Variants in ACTN2 observed in about 807,000 individuals in gnomAD.
ACTN2 encodes the protein alpha-actinin-2.
In ACTN2, 39 loss-of-function variants were observed where a neutral mutation model predicts 113.8. The observed-to-expected ratio is 0.34, with a 90% confidence interval of 0.27 to 0.45. The LOEUF is 0.45. Ranked by LOEUF, ACTN2 falls within the 20% of genes least tolerant of loss-of-function variation. The probability of loss-of-function intolerance (pLI) is 1.00; values close to 1 mark genes in which losing one functional copy is unlikely to be tolerated. For synonymous variants in ACTN2, 429 were observed against 444.1 expected (o/e 0.97, Z 0.43); for missense variants, 992 against 1,177.9 (o/e 0.84, Z 2.31).
chr1:236,748,513 A>G (rs1356502664), intron 13 of ACTN2, among the ~76,000 whole-genome samples: 1 of 152,170 alleles, frequency 6.6e-6, no homozygotes, highest in African/African-American at 2.4e-5. Flanking sequence ...AGCTACGGAG[A>G]TGCCTTCCCC....
In ACTN2 at chr1:236,686,521, C is replaced by G. The variant is rs1572086554; in HGVS notation, c.-153C>G. ...GCCGGAGCTGGTGCTTCGCCCGAGACCCAGCGCCCAGGCGTGTCGCCCCGA... is the reference window on the plus strand; with the variant it reads ...GCCGGAGCTGGTGCTTCGCCCGAGAGCCAGCGCCCAGGCGTGTCGCCCCGA... On this transcript the variant is annotated 5_prime_UTR_variant, in exon 1 of 21. Transcript: ENST00000366578. 1.2e-6 allele frequency: 1 copy of G among 851,072 alleles called. No homozygotes were observed. Among genetic ancestry groups the G allele is most frequent in the South Asian group, 3.9e-5 (1 of 25,672 alleles). 52.7% of individuals were successfully genotyped at this position (851,072 alleles called of 1,614,324 possible).
At chr1:236,705,220 A>G (rs990845187) in intron 1 of ACTN2, among the ~76,000 whole-genome samples, 9 of 151,394 alleles carry the variant, frequency 5.9e-5, no homozygotes, top group Non-Finnish European at 1.3e-4. Flanking sequence ...ATATATATAT[A>G]AAAAATATCA....
At chr1:236,713,374 T>G (rs1248314610) in intron 1 of ACTN2, among the ~76,000 whole-genome samples, 1 of 152,124 alleles carries the variant, frequency 6.6e-6, no homozygotes, top group Non-Finnish European at 1.5e-5. Context: ...ATTACAGGTG[T>G]GCATCACCAT....
intron 1 of ACTN2, among the ~76,000 whole-genome samples, chr1:236,699,012 C>A (rs12125312): frequency 0.018 from 2,777 of 152,238 alleles, 92 homozygotes; most frequent in Admixed American, 0.085. Flanking sequence ...AGAAATAGTT[C>A]TCTCCTATAA....
chr1:236,733,871 C>T lies in ACTN2; in HGVS notation c.698-1764C>T, dbSNP rs776347336. Among the ~76,000 whole-genome samples the T allele has an allele frequency of 7.2e-5, 11 of 152,312 alleles. 1 individual carries two copies. The highest frequency in any genetic ancestry group is 4.6e-4 in the Admixed American group (7 of 15,306). ...AAGTGGGGATTTTCAAGTGACTCAT[C>T]GGCCCACTCACCCATGAACTGTTAT... On this transcript the variant is annotated intron_variant, in intron 7 of 20. Transcript: ENST00000366578.
At chr1:236,735,870 CTG>C (rs1658859123) in intron 8 of ACTN2, 150 bp downstream of exon 8, 2 of 764,126 alleles carry the variant, frequency 2.6e-6, no homozygotes, top group Admixed American at 2.1e-5. Flanking sequence ...AAGTTCTAAA[CTG>C]TGAAAACTTT....
At chr1:236,717,415 T>C (rs1658252974) in intron 1 of ACTN2, among the ~76,000 whole-genome samples, 1 of 152,148 alleles carries the variant, frequency 6.6e-6, no homozygotes, top group Non-Finnish European at 1.5e-5. Flanking sequence ...CCAGCCTGGG[T>C]GACAGAGCTG....
At chr1:236,730,599 C>T (rs956662812) in intron 6 of ACTN2, among the ~76,000 whole-genome samples, 8 of 151,956 alleles carry the variant, frequency 5.3e-5, no homozygotes, top group Non-Finnish European at 7.4e-5. Context: ...TAGTTATATA[C>T]CTCTGGTTAA....
chr1:236,763,830 T>C lies in ACTN2; in HGVS notation c.*1211T>C, dbSNP rs865894215. The C allele has an allele frequency of 4.6e-5, 7 of 152,220 alleles. No homozygotes were observed. The highest frequency in any genetic ancestry group is 8.8e-5 in the Non-Finnish European group (6 of 68,038). 9.4% of individuals were successfully genotyped at this position (152,220 alleles called of 1,614,324 possible). ...TGCTACATGCACTCCTGCTAGCACA[T>C]CTTGATCTGTTGAATGTTCATTCTT... On this transcript the variant is annotated 3_prime_UTR_variant, in exon 21 of 21. Coordinates refer to ENST00000366578, the MANE Select transcript of ACTN2 (RefSeq NM_001103.4).
chr1:236,717,084 C>T (rs571980321), intron 1 of ACTN2, among the ~76,000 whole-genome samples: 264 of 152,032 alleles, frequency 1.7e-3, no homozygotes, highest in Non-Finnish European at 3.3e-3. Context: ...ATCTGCCCTG[C>T]CTCAGCCTCC....
At chr1:236,744,244 A>G (rs756347323) in intron 11 of ACTN2, among the ~76,000 whole-genome samples, 1 of 152,220 alleles carries the variant, frequency 6.6e-6, no homozygotes, top group Non-Finnish European at 1.5e-5. Flanking sequence ...CAAATGGAGC[A>G]CCGGGGTTTT....
intron 13 of ACTN2, 76 bp from the exon 14 acceptor site, chr1:236,749,048 T>C (rs1215900711): frequency 3.3e-6 from 5 of 1,497,066 alleles, no homozygotes; most frequent in Non-Finnish European, 4.6e-6. Flanking sequence ...AGTCTGTTCT[T>C]ATGGAACGCC....
Position 236,759,726 on chromosome 1 carries a change from G to A in ACTN2, c.2304G>A (p.Arg768=). 2 of 1,614,020 alleles carry A rather than the reference G, an allele frequency of 1.2e-6. No individual in the cohort carries two copies. The highest frequency in any genetic ancestry group is 1.7e-6 in the Non-Finnish European group (2 of 1,179,938). ...FRASFNHFDR[R]KNGLMDHEDF... Reference sequence around the variant, plus strand: ...CTGTCCTTTGTTTTTGCCAACAGAGGAAGAATGGCCTGATGGATCATGAGG... The same window carrying A: ...CTGTCCTTTGTTTTTGCCAACAGAGAAAGAATGGCCTGATGGATCATGAGG... Residue 768 remains arginine (R), a splice_region_variant and synonymous_variant, in exon 19 of 21, where the codon AGG becomes AGA. Coordinates refer to ENST00000366578, the MANE Select transcript of ACTN2 (RefSeq NM_001103.4).
At chr1:236,711,594 C>T (rs1248767659) in intron 1 of ACTN2, among the ~76,000 whole-genome samples, 8 of 152,204 alleles carry the variant, frequency 5.3e-5, no homozygotes, top group Non-Finnish European at 1.2e-4. Context: ...AAGTGATCCA[C>T]CCACCTTGGC....
At chr1:236,746,710 A>C (rs1659249612) in intron 12 of ACTN2, among the ~76,000 whole-genome samples, 1 of 151,940 alleles carries the variant, frequency 6.6e-6, no homozygotes. Flanking sequence ...CTGTCTCAAA[A>C]AAAAAAAAAA....
At chr1:236,736,920 T>G in intron 8 of ACTN2, 2 of 626,150 alleles carry the variant, frequency 3.2e-6, no homozygotes, top group Non-Finnish European at 5.8e-6. Flanking sequence ...CGTGTAAGTC[T>G]GTGTGAAAAC....
intron 1 of ACTN2, among the ~76,000 whole-genome samples, chr1:236,707,497 T>C (rs1657862174): frequency 6.6e-6 from 1 of 152,106 alleles, no homozygotes; most frequent in Non-Finnish European, 1.5e-5. Context: ...TTTAGAATGA[T>C]TTAATTCTCT....
chr1:236,717,547 T>C (rs1043513054), intron 1 of ACTN2, among the ~76,000 whole-genome samples: 5 of 152,220 alleles, frequency 3.3e-5, no homozygotes, highest in African/African-American at 1.2e-4. Context: ...ATCTATCTTT[T>C]CTACAAAGTA....
chr1:236,744,656 A>G lies in ACTN2; in HGVS notation c.1286A>G (p.Tyr429Cys), dbSNP rs1205799302. ...GKEQILLQKDYESASLTEVRA... is the reference protein window; with the variant it reads ...GKEQILLQKDCESASLTEVRA... ...GAGCAGATCTTGCTGCAGAAGGATT[A>G]CGAGTCGGCGTCGCTGACAGAGGTG... The change falls in exon 12 of 21, where the codon TAC becomes TGC. Residue 429 changes from tyrosine (Y) to cysteine (C), a missense_variant. Physicochemically the swap from Tyr to Cys is radical, Grantham distance 194 (BLOSUM62 -2). Around this residue, in one of 3 missense-constraint regions of ACTN2, gnomAD observed 736 missense variants for 815.4 expected, o/e 0.90. Transcript: ENST00000366578. 2.5e-6 allele frequency: 4 copies of G among 1,614,222 alleles called. No individual in the cohort carries two copies. Among genetic ancestry groups the G allele is most frequent in the Non-Finnish European group, 2.5e-6 (3 of 1,180,046 alleles).
Sources: allele counts gnomAD v4.1 joint callset (sites outside exome capture counted in the v4.1 genomes callset), GRCh38; gene constraint gnomAD v4.1.1; regional missense constraint gnomAD v4.1.1; transcripts MANE v1.5; gene names NCBI Gene and HGNC (gene_info 2026-07-23, HGNC 2026-07-21).